SAMD4A: variants seen among roughly 807,000 people sequenced by gnomAD.
The protein encoded by SAMD4A is protein Smaug homolog 1.
Under a neutral mutation model 81.3 loss-of-function variants are expected in SAMD4A, and 33 were observed. That is an observed-to-expected ratio of 0.41 (90% CI 0.31 to 0.54). The LOEUF (loss-of-function observed/expected upper bound fraction) is 0.54. Among genes scored for constraint, SAMD4A ranks in the 20% least tolerant of loss-of-function variants. The pLI, the probability that SAMD4A is intolerant of heterozygous loss-of-function variation, is 0.37. For missense variants in SAMD4A, 854 were observed against 951.1 expected (o/e 0.90, Z 1.34); for synonymous variants, 389 against 382.1 (o/e 1.02, Z -0.21).
chr14:54,695,953 GAAAAA>G (rs35817270), intron 2 of SAMD4A, among the ~76,000 whole-genome samples: 11 of 78,294 alleles, frequency 1.4e-4, no homozygotes, highest in African/African-American at 5.5e-4. Context: ...CTCCATCTCA[GAAAAA>G]AAAAAAAAAA....
Position 54,613,150 on chromosome 14 carries a change from A to AAGGG in SAMD4A, c.196+45041_196+45042insGAGG, listed in dbSNP as rs529430685. 6.1e-3 allele frequency among the ~76,000 whole-genome samples: 914 copies of AAGGG among 150,602 alleles called. 14 individuals carry two copies. The highest frequency in any genetic ancestry group is 0.021 in the African/African-American group (873 of 40,914). On this transcript the variant is annotated intron_variant, in intron 2 of 12. Transcript: ENST00000554335. ...AGAGAGAGAGAGAAAGGAAGGAAGG[A>AAGGG]AGGAAGGAAGAGGGAAAGGGAAAAG... is the stretch of plus-strand genomic sequence containing the variant.
chr14:54,737,704 C>T (rs1027707207), intron 4 of SAMD4A, among the ~76,000 whole-genome samples: 4 of 141,218 alleles, frequency 2.8e-5, no homozygotes, highest in Non-Finnish European at 4.6e-5. Context: ...AAACAAACCA[C>T]GGGATTTTTT....
At chr14:54,574,857 C>T (rs956809745) in intron 2 of SAMD4A, among the ~76,000 whole-genome samples, 7 of 152,122 alleles carry the variant, frequency 4.6e-5, no homozygotes, top group Non-Finnish European at 8.8e-5. Context: ...GTACTGAAAA[C>T]CTGAAAACTC....
At chr14:54,744,306 C>G (rs1316555562) in intron 4 of SAMD4A, among the ~76,000 whole-genome samples, 1 of 152,184 alleles carries the variant, frequency 6.6e-6, no homozygotes, top group African/African-American at 2.4e-5. Context: ...TGATCTGACT[C>G]AAATTTGCAG....
intron 4 of SAMD4A, among the ~76,000 whole-genome samples, chr14:54,744,298 A>G (rs1351521469): frequency 6.6e-6 from 1 of 151,998 alleles, no homozygotes; most frequent in African/African-American, 2.4e-5. Context: ...TGGTCTGTTG[A>G]TCTGACTCAA....
At chr14:54,719,389 A>G (rs371992083) in intron 3 of SAMD4A, among the ~76,000 whole-genome samples, 16 of 152,286 alleles carry the variant, frequency 1.1e-4, no homozygotes, top group African/African-American at 2.9e-4. Context: ...TTCAAGTCCT[A>G]TCATTCAAAG....
chr14:54,608,370 C>T (rs181089546), intron 2 of SAMD4A, among the ~76,000 whole-genome samples: 8 of 152,296 alleles, frequency 5.3e-5, no homozygotes, highest in African/African-American at 1.7e-4. Context: ...CAGGTCCTCA[C>T]CTGTCATAAT....
chr14:54,678,433 T>TGTGTGTGTGTGTGTGTGTGTGTGTGTGTG (rs2036040355), intron 2 of SAMD4A, among the ~76,000 whole-genome samples: 1 of 81,250 alleles, frequency 1.2e-5, no homozygotes, highest in African/African-American at 5.9e-5. Context: ...CAGTCACCAT[T>TGTGTGTGTGTGTGTGTGTGTGTGTGTGTG]TGTGTGTGTG....
At chr14:54,710,390 T>A (rs936622569) in intron 3 of SAMD4A, among the ~76,000 whole-genome samples, 1 of 152,144 alleles carries the variant, frequency 6.6e-6, no homozygotes, top group Non-Finnish European at 1.5e-5. Flanking sequence ...CATAACCTCA[T>A]GATGGTGGGT....
intron 2 of SAMD4A, among the ~76,000 whole-genome samples, chr14:54,655,011 A>AC (rs2035487150): frequency 6.6e-6 from 1 of 152,220 alleles, no homozygotes; most frequent in Non-Finnish European, 1.5e-5. Flanking sequence ...ATTTCAAGGG[A>AC]CACCGCTCTT....
At chr14:54,675,204 A>G (rs747455972) in intron 2 of SAMD4A, among the ~76,000 whole-genome samples, 1 of 152,004 alleles carries the variant, frequency 6.6e-6, no homozygotes, top group African/African-American at 2.4e-5. Flanking sequence ...CGTCTCTACT[A>G]AAAATATAAA....
intron 2 of SAMD4A, among the ~76,000 whole-genome samples, chr14:54,674,153 T>A (rs1305876174): frequency 2.6e-5 from 4 of 152,242 alleles, no homozygotes; most frequent in African/African-American, 9.6e-5. Context: ...GAAGTGTTTA[T>A]GCAAAGGAGG....
At chr14:54,735,176 T>A (rs550106095) in intron 3 of SAMD4A, 2 of 148,884 alleles carry the variant, frequency 1.3e-5, no homozygotes, top group East Asian at 3.9e-4. Context: ...CTTTTCTTCC[T>A]ATTGGCTTCT....
intron 2 of SAMD4A, among the ~76,000 whole-genome samples, chr14:54,569,137 A>G (rs142369034): frequency 2.0e-5 from 3 of 152,272 alleles, no homozygotes; most frequent in African/African-American, 7.2e-5. Flanking sequence ...AAAAGAATGC[A>G]GGGTCCTCTT....
intron 2 of SAMD4A, among the ~76,000 whole-genome samples, chr14:54,625,047 C>G (rs900659656): frequency 9.2e-5 from 14 of 152,116 alleles, no homozygotes; most frequent in African/African-American, 3.4e-4. Context: ...TAACACTGTG[C>G]TACTATGGCA....
rs115138434 is a variant in SAMD4A, at chr14:54,687,352, G to A, written c.197-14710G>A. ...TGGCATCTCGGGGAGGACCAGGAAG[G>A]GTGGTGTGTGGTCAGCTGCTGATTT... On this transcript the variant is annotated intron_variant, in intron 2 of 12. Transcript: ENST00000554335. 633 of 456,582 alleles carry A rather than the reference G, an allele frequency of 1.4e-3. 7 individuals are homozygous for A. Among genetic ancestry groups the A allele is most frequent in the African/African-American group, 0.012 (605 of 50,148 alleles). 28.3% of individuals were successfully genotyped at this position (456,582 alleles called of 1,614,324 possible).
chr14:54,684,619 CCCCCA>C (rs1363329750), intron 2 of SAMD4A, among the ~76,000 whole-genome samples: 14 of 136,324 alleles, frequency 1.0e-4, no homozygotes, highest in Admixed American at 2.2e-4. Context: ...CCCGCCCCCC[CCCCCA>C]ACCAGAAACG....
intron 2 of SAMD4A, among the ~76,000 whole-genome samples, chr14:54,590,560 T>C (rs183894051): frequency 1.7e-4 from 26 of 152,316 alleles, no homozygotes; most frequent in African/African-American, 4.3e-4. Context: ...TAGGCAGCTT[T>C]ATCTTCCCTT....
chr14:54,623,773 C>G (rs1043743372), intron 2 of SAMD4A, among the ~76,000 whole-genome samples: 3 of 152,272 alleles, frequency 2.0e-5, no homozygotes, highest in Non-Finnish European at 4.4e-5. Context: ...TTTAGAGTCT[C>G]TTGACCTAGA....
Sources: allele counts gnomAD v4.1 joint callset (sites outside exome capture counted in the v4.1 genomes callset), GRCh38; gene constraint gnomAD v4.1.1; transcripts MANE v1.5; gene names NCBI Gene and HGNC (gene_info 2026-07-23, HGNC 2026-07-21).